The following KDM5C variants were observed in gnomAD, a reference collection of about 807,000 sequenced individuals.
KDM5C encodes lysine demethylase 5C.
In KDM5C, 16 loss-of-function variants were observed where a neutral mutation model predicts 110.6. The observed-to-expected ratio is 0.14, with a 90% CI of 0.10 to 0.22. The LOEUF (loss-of-function observed/expected upper bound fraction) is 0.22, where lower values mean the gene tolerates loss of function less well. Among genes scored for constraint, KDM5C ranks in the 10% least tolerant of loss-of-function variants. The pLI is 1.00. For missense variants in KDM5C, 681 were observed against 1,300.9 expected, an observed-to-expected ratio of 0.52 and a Z score of 7.33; for synonymous variants, 511 against 520.4, an observed-to-expected ratio of 0.98 and a Z score of 0.24.
chrX:53,207,855 C>T (rs977478174), intron 12 of KDM5C, among the ~76,000 whole-genome samples: 2 of 106,143 alleles, frequency 1.9e-5, no homozygotes, highest in African/African-American at 3.5e-5. Context: ...AGGCTGAGGC[C>T]GGGTAATCAC....
intron 12 of KDM5C, among the ~76,000 whole-genome samples, chrX:53,208,596 C>G (rs782558268): frequency 3.6e-3 from 360 of 100,745 alleles, no homozygotes; most frequent in Non-Finnish European, 6.2e-3. Flanking sequence ...ACCTCCGCCT[C>G]CTGGGTTCAA....
At chrX:53,215,046 C>T (rs1556851007) in intron 7 of KDM5C, 199 bp from the exon 8 acceptor site, 9 of 499,680 alleles carry the variant, frequency 1.8e-5, no homozygotes, top group Non-Finnish European at 3.2e-5. Context: ...TTTTATTCAT[C>T]CAATAAACAC....
At chrX:53,202,965 CCTG>C (rs2073193566) in intron 12 of KDM5C, among the ~76,000 whole-genome samples, 1 of 110,535 alleles carries the variant, frequency 9.0e-6, no homozygotes, top group Non-Finnish European at 1.9e-5. Context: ...ACTACAGACG[CCTG>C]CCACCACGCC....
chrX:53,210,461 G>A lies in KDM5C; in HGVS notation c.1699C>T (p.Leu567Phe), dbSNP rs1556848189. 1 of 1,212,248 alleles carries A rather than the reference G, an allele frequency of 8.2e-7. No individual in the cohort carries two copies. ...GTGTTGGGATTCATGAGGGTGACAA[G>A]TTGGTGCAGGAGGTCAGGCTGGCTA... is the stretch of plus-strand genomic sequence containing the variant. The part of the protein sequence containing the change: ...FDSQPDLLHQ[L>F]VTLMNPNTLM... The change falls in exon 12 of 26, where the codon CTT (leucine) becomes TTT (phenylalanine). Residue 567 changes from leucine (L) to phenylalanine (F), a missense_variant. By Grantham distance (22) the Leu-to-Phe change is conservative (BLOSUM62 0). Coordinates refer to ENST00000375401, the MANE Select transcript of KDM5C (RefSeq NM_004187.5).
intron 25 of KDM5C, among the ~76,000 whole-genome samples, chrX:53,180,995 T>C (rs1409062728): frequency 2.8e-5 from 3 of 108,948 alleles, no homozygotes. Flanking sequence ...TTTTTGTATT[T>C]TTAGTAGAGG....
chrX:53,206,467 C>T (rs782598519), intron 12 of KDM5C, among the ~76,000 whole-genome samples: 1 of 111,193 alleles, frequency 9.0e-6, no homozygotes, highest in Non-Finnish European at 1.9e-5. Flanking sequence ...CAAATCATAC[C>T]GCAATAAAAC....
chrX:53,177,490 T>G (rs782433473), intron 25 of KDM5C, among the ~76,000 whole-genome samples: 1 of 112,837 alleles, frequency 8.9e-6, no homozygotes, highest in Non-Finnish European at 1.9e-5. Context: ...TAAGGAATGA[T>G]TGTGAATTGT....
downstream of KDM5C, among the ~76,000 whole-genome samples, chrX:53,188,107 A>C (rs943467796): frequency 5.1e-4 from 57 of 111,882 alleles, no homozygotes; most frequent in African/African-American, 1.7e-3. Context: ...AATAGTAGTT[A>C]AGAAGCCATA....
chrX:53,206,796 G>A (rs1464745233), intron 12 of KDM5C, among the ~76,000 whole-genome samples: 1 of 93,860 alleles, frequency 1.1e-5, no homozygotes, highest in Non-Finnish European at 2.1e-5. Flanking sequence ...CCCAGGAGAT[G>A]GAGGTTGCAG....
chrX:53,218,073 C>G, intron 3 of KDM5C, 107 bp from the exon 4 acceptor site: 1 of 927,365 alleles, frequency 1.1e-6, no homozygotes, highest in Non-Finnish European at 1.5e-6. Flanking sequence ...TCTAGTCCCT[C>G]ACTTCACTGG....
intron 8 of KDM5C, 148 bp from the exon 9 acceptor site, chrX:53,212,054 T>G: frequency 9.5e-5 from 60 of 632,000 alleles, no homozygotes; most frequent in Non-Finnish European, 1.4e-4. Context: ...TTTACAGCTG[T>G]ACCTTTTGCT....
At chrX:53,218,636 T>C (rs2073815304) in intron 2 of KDM5C, 2 of 461,606 alleles carry the variant, frequency 4.3e-6, no homozygotes, top group Non-Finnish European at 3.9e-6. Context: ...AATGGAGTGG[T>C]GCAATCACGG....
intron 8 of KDM5C, among the ~76,000 whole-genome samples, chrX:53,213,426 T>C (rs1264570319): frequency 3.6e-5 from 4 of 112,135 alleles, no homozygotes; most frequent in African/African-American, 1.3e-4. Flanking sequence ...GTCCCTAAGA[T>C]AAGGCGAATG....
At chrX:53,187,286 A>AC (rs782584940), downstream of KDM5C, among the ~76,000 whole-genome samples, 4 of 111,136 alleles carry the variant, frequency 3.6e-5, no homozygotes, top group South Asian at 1.6e-3. Context: ...AAGCCACTGG[A>AC]CCCCCAAAAT....
In KDM5C at chrX:53,201,372, A is replaced by G. The variant is rs2073133671; in HGVS notation, c.2061+178T>C. On this transcript the variant is annotated intron_variant, in intron 14 of 25. Coordinates refer to ENST00000375401, the MANE Select transcript of KDM5C (RefSeq NM_004187.5). ...AGAGGGGAAAACTGACAATGAAGTA[A>G]ATCGACTTAAGGTTGCTGGTAAAGG... 1.0e-5 allele frequency: 5 copies of G among 479,507 alleles called. No homozygotes were observed. The Admixed American group carries it at 1.6e-4, about 15-fold the overall frequency. The allele number at this position is 479,507 out of a possible 1,213,427, so 39.5% of individuals were successfully genotyped here. A position where few individuals can be genotyped will look rare whatever the true frequency, so the allele number is the denominator to read the frequency against.
intron 11 of KDM5C, 37 bp downstream of exon 11, chrX:53,210,639 C>T: frequency 8.3e-7 from 1 of 1,210,018 alleles, no homozygotes; most frequent in African/African-American, 1.7e-5. Context: ...GGAGCCCACA[C>T]TGACTTGATT....
At chrX:53,184,035 A>G (rs1256033518) in intron 25 of KDM5C, among the ~76,000 whole-genome samples, 1 of 111,473 alleles carries the variant, frequency 9.0e-6, no homozygotes, top group Non-Finnish European at 1.9e-5. Flanking sequence ...TCTTTCACCA[A>G]TGTTTCATGG....
rs782068658 is a variant in KDM5C at position 53,193,128 on chromosome X, G to T, written c.4522C>A (p.Pro1508Thr). ...LEEETGGEGP[P>T]APIPTTGSPS... ...CTGCCAGTGGTGGGGATGGGTGCAG[G>T]GGGGCCCTCACCCCCAGTCTCCTCC... Residue 1508 changes from proline to threonine, a missense_variant, in exon 26 of 26, where the codon CCT becomes ACT. Transcript: ENST00000375401. The T allele has an allele frequency of 3.3e-6, 4 of 1,207,556 alleles. No homozygotes were observed. Among genetic ancestry groups the T allele is most frequent in the African/African-American group, 3.5e-5 (2 of 56,465 alleles).
Position 53,217,898 on chromosome X carries a change from G to A in KDM5C, c.420C>T (p.Arg140=). ...KDRRWARVAQ[R]LNYPPGKNIG... ...TATTTTTGCCTGGTGGATAGTTGAG[G>A]CGCTGGGCTACCCGAGCCCACCGAC... The change falls in exon 4 of 26, where the codon CGC becomes CGT. Residue 140 remains arginine, a synonymous_variant. Transcript: ENST00000375401. 8.3e-7 allele frequency: 1 copy of A among 1,210,881 alleles called. No individual in the cohort carries two copies. The highest frequency in any genetic ancestry group is 1.1e-6 in the Non-Finnish European group (1 of 894,716).
Sources: gnomAD v4.1 joint callset for allele counts (sites outside exome capture counted in the v4.1 genomes callset) on GRCh38, gnomAD v4.1.1 for gene constraint, MANE v1.5 for transcripts, NCBI Gene and HGNC (gene_info 2026-07-23, HGNC 2026-07-21) for gene names.